The following NBDY variants were observed in gnomAD, a reference collection of about 807,000 sequenced individuals.
NBDY encodes P-body dissociating protein.
At chrX:56,734,940 A>C (rs2069479091) in intron 2 of NBDY, among the ~76,000 whole-genome samples, 1 of 112,350 alleles carries the variant, frequency 8.9e-6, no homozygotes, top group African/African-American at 3.2e-5. Flanking sequence ...TTAGGGCCAA[A>C]GAAACTGAAG....
chrX:56,780,889 A>G lies in NBDY; in HGVS notation c.*167-36431A>G, dbSNP rs1380973713. The stretch of plus-strand genomic sequence containing the variant: ...CGCGAGAAGAAAAGAATGCAGGAAG[A>G]TCTGGACTGCGTCTTTAGGGTTGGC... On this transcript the variant is annotated intron_variant, in intron 2 of 2. Transcript: ENST00000374922. Among the ~76,000 whole-genome samples, 6 of 96,352 alleles carry G rather than the reference A, an allele frequency of 6.2e-5. No homozygotes were observed. In the East Asian group the frequency reaches 2.0e-3, roughly 32 times the overall value. 83.7% of individuals were successfully genotyped at this position (96,352 alleles called of 115,157 possible). A position where few individuals can be genotyped will look rare whatever the true frequency, so the allele number is the denominator to read the frequency against.
chrX:56,766,319 G>A (rs933886200), intron 2 of NBDY, among the ~76,000 whole-genome samples: 2 of 111,465 alleles, frequency 1.8e-5, no homozygotes, highest in African/African-American at 3.3e-5. Flanking sequence ...TCTCTGCCAC[G>A]TGTTCATTTG....
Position 56,737,652 on chromosome X carries a change from C to A in NBDY, c.*166+5453C>A, listed in dbSNP as rs2069503994. On this transcript the variant is annotated intron_variant, in intron 2 of 2. Coordinates refer to ENST00000374922, the MANE Select transcript of NBDY (RefSeq NM_001348129.2). ...ATTATACACTGGCTGCTCATCCCAA[C>A]AGAATTTGGCAATATAAAACATTTT... 9.6e-6 allele frequency: 3 copies of A among 311,207 alleles called. No individual in the cohort carries two copies. In the South Asian group the frequency reaches 2.5e-4, roughly 26 times the overall value. 25.6% of individuals were successfully genotyped at this position (311,207 alleles called of 1,213,427 possible). A position where few individuals can be genotyped will look rare whatever the true frequency, so the allele number is the denominator to read the frequency against.
At chrX:56,736,218 G>T (rs895960705) in intron 2 of NBDY, among the ~76,000 whole-genome samples, 6 of 112,090 alleles carry the variant, frequency 5.4e-5, no homozygotes, top group African/African-American at 1.6e-4. Flanking sequence ...CTCCACCAAA[G>T]AAAGCATTTC....
intron 2 of NBDY, among the ~76,000 whole-genome samples, chrX:56,811,872 C>A (rs1287556790): frequency 8.9e-6 from 1 of 111,972 alleles, no homozygotes; most frequent in Non-Finnish European, 1.9e-5. Context: ...GTGCTAGAAA[C>A]CCAGGGCCCT....
At chrX:56,786,642 C>A (rs113669258) in intron 2 of NBDY, among the ~76,000 whole-genome samples, 1 of 94,879 alleles carries the variant, frequency 1.1e-5, no homozygotes, top group African/African-American at 3.4e-5. Flanking sequence ...TCTGCTTCTT[C>A]TTTTTCTTCT....
chrX:56,736,351 G>GC (rs1197971315), intron 2 of NBDY, among the ~76,000 whole-genome samples: 14 of 111,669 alleles, frequency 1.3e-4, no homozygotes, highest in Non-Finnish European at 2.3e-4. Flanking sequence ...TGCAGCCTCC[G>GC]CCCCCCGGGG....
At chrX:56,802,498 C>G (rs1270458160) in intron 2 of NBDY, among the ~76,000 whole-genome samples, 1 of 100,385 alleles carries the variant, frequency 1.0e-5, no homozygotes, top group Admixed American at 1.1e-4. Context: ...GCTGAGTATC[C>G]CCTCTGAGGG....
intron 2 of NBDY, among the ~76,000 whole-genome samples, chrX:56,759,809 G>A (rs2069629128): frequency 8.9e-6 from 1 of 111,810 alleles, no homozygotes; most frequent in Non-Finnish European, 1.9e-5. Context: ...GCAGGCAGGG[G>A]CACCCCACCA....
At chrX:56,788,842 C>T (rs1039525690) in intron 2 of NBDY, among the ~76,000 whole-genome samples, 1 of 112,397 alleles carries the variant, frequency 8.9e-6, no homozygotes, top group Admixed American at 9.3e-5. Context: ...TGTGTCAGGG[C>T]CTCTAGAGTA....
At chrX:56,805,567 G>A (rs1269278967) in intron 2 of NBDY, among the ~76,000 whole-genome samples, 1 of 112,038 alleles carries the variant, frequency 8.9e-6, no homozygotes, top group Non-Finnish European at 1.9e-5. Flanking sequence ...TGCTGGCAGA[G>A]GATGCAGGAT....
At chrX:56,798,156 A>G (rs2069803494) in intron 2 of NBDY, among the ~76,000 whole-genome samples, 1 of 112,292 alleles carries the variant, frequency 8.9e-6, no homozygotes, top group African/African-American at 3.2e-5. Flanking sequence ...TCCTCATGCC[A>G]TTGATTGGGC....
At chrX:56,810,862 C>T (rs1475974759) in intron 2 of NBDY, among the ~76,000 whole-genome samples, 1 of 111,638 alleles carries the variant, frequency 9.0e-6, no homozygotes, top group Non-Finnish European at 1.9e-5. Context: ...CCTTTTTGTG[C>T]TGGTTTCTCC....
intron 2 of NBDY, chrX:56,737,428 C>A: frequency 1.5e-6 from 1 of 660,447 alleles, no homozygotes. Context: ...TCTCAGGAAG[C>A]CTTCTTATGG....
intron 2 of NBDY, among the ~76,000 whole-genome samples, chrX:56,783,012 C>G (rs1481184239): frequency 1.8e-5 from 2 of 112,846 alleles, no homozygotes; most frequent in Non-Finnish European, 3.7e-5. Context: ...AGTAAGCTCA[C>G]ACTAGTACAA....
intron 2 of NBDY, among the ~76,000 whole-genome samples, chrX:56,752,263 T>C (rs1409343241): frequency 3.6e-5 from 4 of 112,251 alleles, no homozygotes; most frequent in Non-Finnish European, 5.6e-5. Flanking sequence ...GTTTTAAAAA[T>C]TTCTTTGAGA....
At chrX:56,756,408 A>C (rs939732962) in intron 2 of NBDY, among the ~76,000 whole-genome samples, 2 of 104,920 alleles carry the variant, frequency 1.9e-5, no homozygotes, top group African/African-American at 6.9e-5. Context: ...ACCCTATTAA[A>C]GTAAGCCTGA....
At chrX:56,792,784 T>C (rs1471022740) in intron 2 of NBDY, among the ~76,000 whole-genome samples, 1 of 111,288 alleles carries the variant, frequency 9.0e-6, no homozygotes, top group Non-Finnish European at 1.9e-5. Context: ...CAGGCCTGGG[T>C]CATCATGCCA....
At chrX:56,810,875 A>G (rs1305674904) in intron 2 of NBDY, 1 of 111,709 alleles carries the variant, frequency 9.0e-6, no homozygotes, top group Non-Finnish European at 1.9e-5. Context: ...GTTTCTCCCC[A>G]TCTTCATGGA....
Sources: allele counts gnomAD v4.1 joint callset (sites outside exome capture counted in the v4.1 genomes callset), GRCh38; gene constraint gnomAD v4.1.1; transcripts MANE v1.5; gene names NCBI Gene and HGNC (gene_info 2026-07-23, HGNC 2026-07-21).